The following ABCD2 variants were observed in gnomAD, a reference collection of about 807,000 sequenced individuals.
The protein encoded by ABCD2 is ATP binding cassette subfamily D member 2, also known as ATP-binding cassette sub-family D member 2.
ABCD2 carries 36 observed loss-of-function variants against 70.9 expected under a neutral mutation model. That is an observed-to-expected ratio of 0.51 (90% CI 0.39 to 0.67). The LOEUF is 0.67. ABCD2 is among the 30% of genes least tolerant of loss of function. The pLI, the probability that ABCD2 is intolerant of heterozygous loss-of-function variation, is 0.00. For synonymous variants in ABCD2, 304 were observed against 306.9 expected, an observed-to-expected ratio of 0.99 and a Z score of 0.10; for missense variants, 729 against 890.2, an observed-to-expected ratio of 0.82 and a Z score of 2.30.
At chr12:39,571,480 A>G (rs1463775252) in intron 9 of ABCD2, among the ~76,000 whole-genome samples, 3 of 152,182 alleles carry the variant, frequency 2.0e-5, no homozygotes, top group African/African-American at 7.2e-5. Context: ...AAAGACAAAT[A>G]CCACATGATC....
intron 7 of ABCD2, among the ~76,000 whole-genome samples, chr12:39,580,454 G>T (rs1264016634): frequency 6.6e-6 from 1 of 152,060 alleles, no homozygotes; most frequent in Non-Finnish European, 1.5e-5. Flanking sequence ...CAGAATATCT[G>T]TACATTAAAA....
chr12:39,557,947 C>G lies in ABCD2; in HGVS notation c.2004-3816G>C, dbSNP rs375549639. Among the ~76,000 whole-genome samples, 176 of 152,360 alleles carry G rather than the reference C, an allele frequency of 1.2e-3. 1 individual carries two copies. Among genetic ancestry groups the G allele is most frequent in the African/African-American group, 4.1e-3 (170 of 41,588 alleles). Reference sequence around the variant, plus strand: ...GGAAAATGTGAGGTCAGAGCCCCCACTGGGGCATTGCCTAGTGGAGCTGTG... The same window carrying G: ...GGAAAATGTGAGGTCAGAGCCCCCAGTGGGGCATTGCCTAGTGGAGCTGTG... On this transcript the variant is annotated intron_variant, in intron 9 of 9. Coordinates refer to ENST00000308666, the MANE Select transcript of ABCD2 (RefSeq NM_005164.4).
rs527449238 is a variant in ABCD2 at position 39,568,610 on chromosome 12, G to A, written c.2003+5106C>T. On this transcript the variant is annotated intron_variant, in intron 9 of 9. Coordinates refer to ENST00000308666, the MANE Select transcript of ABCD2 (RefSeq NM_005164.4). ...GCTCGGAGTAGTTTGATCATCTGAAGCCTTCTTCTCTGAACTCGTCAAAGT... is the reference window on the plus strand; with the variant it reads ...GCTCGGAGTAGTTTGATCATCTGAAACCTTCTTCTCTGAACTCGTCAAAGT... 2.0e-5 allele frequency among the ~76,000 whole-genome samples: 3 copies of A among 152,184 alleles called. No individual in the cohort carries two copies. In the East Asian group the frequency reaches 5.8e-4, roughly 29 times the overall value.
At chr12:39,615,139 T>A in intron 2 of ABCD2, among the ~76,000 whole-genome samples, 1 of 152,012 alleles carries the variant, frequency 6.6e-6, no homozygotes. Context: ...TACTGGTCTC[T>A]GTGGGGTTAA....
At chr12:39,558,148 C>T (rs968568739) in intron 9 of ABCD2, among the ~76,000 whole-genome samples, 14 of 152,232 alleles carry the variant, frequency 9.2e-5, no homozygotes, top group Non-Finnish European at 1.9e-4. Context: ...ATCAGCAGCA[C>T]CTGGATGTGA....
chr12:39,608,351 C>T (rs1029267579), intron 2 of ABCD2, among the ~76,000 whole-genome samples: 2 of 151,958 alleles, frequency 1.3e-5, no homozygotes, highest in Admixed American at 6.6e-5. Flanking sequence ...TTCTTTCAAC[C>T]CTTTCCACTT....
intron 8 of ABCD2, among the ~76,000 whole-genome samples, chr12:39,574,558 C>T (rs1941491297): frequency 6.6e-6 from 1 of 152,060 alleles, no homozygotes; most frequent in Non-Finnish European, 1.5e-5. Context: ...TCTCATCTCA[C>T]CCCCTGCTCT....
chr12:39,586,653 C>G (rs552606656), intron 6 of ABCD2, among the ~76,000 whole-genome samples: 1 of 152,278 alleles, frequency 6.6e-6, no homozygotes, highest in East Asian at 1.9e-4. Context: ...AACTTGGCCT[C>G]CCAAAGCACT....
At chr12:39,590,280 T>C (rs1941728459) in intron 6 of ABCD2, among the ~76,000 whole-genome samples, 1 of 152,174 alleles carries the variant, frequency 6.6e-6, no homozygotes, top group South Asian at 2.1e-4. Context: ...GTAGATCAAT[T>C]ACCATGTTAG....
intron 8 of ABCD2, among the ~76,000 whole-genome samples, chr12:39,576,475 A>T (rs1320165543): frequency 6.6e-6 from 1 of 152,058 alleles, no homozygotes; most frequent in Non-Finnish European, 1.5e-5. Flanking sequence ...TGTAAAGTTT[A>T]CTCTTGAATT....
chr12:39,556,853 G>A (rs548456406), intron 9 of ABCD2, among the ~76,000 whole-genome samples: 30 of 151,960 alleles, frequency 2.0e-4, no homozygotes, highest in African/African-American at 3.1e-4. Flanking sequence ...GCGTGAAGGC[G>A]GGTGCCTGTA....
chr12:39,540,543 A>G, the ABCD2 span, among the ~76,000 whole-genome samples: 2 of 152,204 alleles, frequency 1.3e-5, no homozygotes, highest in Non-Finnish European at 2.9e-5. Flanking sequence ...ACAGCACTAG[A>G]TATTTTTCTT....
rs1941101407 is a variant in ABCD2 at position 39,552,448 on chromosome 12, T to G, written c.*1464A>C. On this transcript the variant is annotated 3_prime_UTR_variant, in exon 10 of 10. Coordinates refer to ENST00000308666, the MANE Select transcript of ABCD2 (RefSeq NM_005164.4). ...GTATCACAGGCAGCAAGAGATAAAG[T>G]TTCAGTCTTGGCTTTCCAGCTCCAG... 6.6e-6 allele frequency: 1 copy of G among 151,970 alleles called. No homozygotes were observed. The highest frequency in any genetic ancestry group is 6.6e-5 in the Admixed American group (1 of 15,248). The allele number at this position is 151,970 out of a possible 1,614,324, so 9.4% of individuals were successfully genotyped here. A position where few individuals can be genotyped will look rare whatever the true frequency, so the allele number is the denominator to read the frequency against.
chr12:39,616,247 A>G (rs1316348271), intron 2 of ABCD2, among the ~76,000 whole-genome samples: 1 of 152,160 alleles, frequency 6.6e-6, no homozygotes, highest in Non-Finnish European at 1.5e-5. Flanking sequence ...GTTCCAACCA[A>G]TTAAGATCCA....
rs1040159369 is a variant in ABCD2, at chr12:39,553,687, C to A, written c.*225G>T. On this transcript the variant is annotated 3_prime_UTR_variant, in exon 10 of 10. Transcript: ENST00000308666. The stretch of plus-strand genomic sequence containing the variant: ...AATCCTGTTTTACAAGTGCATTAGG[C>A]CTTCACTAGGAATTAGTATAAGTCA... The A allele has an allele frequency of 2.1e-6, 1 of 474,886 alleles. No homozygotes were observed. The highest frequency in any genetic ancestry group is 3.7e-6 in the Non-Finnish European group (1 of 267,834). 29.4% of individuals were successfully genotyped at this position (474,886 alleles called of 1,614,324 possible). A position where few individuals can be genotyped will look rare whatever the true frequency, so the allele number is the denominator to read the frequency against.
intron 6 of ABCD2, among the ~76,000 whole-genome samples, chr12:39,597,815 G>A (rs779294535): frequency 9.9e-5 from 15 of 152,090 alleles, no homozygotes; most frequent in Non-Finnish European, 1.6e-4. Context: ...CATTAATAAA[G>A]ATAGGATAAA....
At chr12:39,585,596 A>G (rs1056985590) in intron 7 of ABCD2, among the ~76,000 whole-genome samples, 9 of 152,092 alleles carry the variant, frequency 5.9e-5, no homozygotes, top group Non-Finnish European at 7.3e-5. Context: ...GAGTATTATT[A>G]GACAATAATT....
At chr12:39,613,797 T>G (rs1347752634) in intron 2 of ABCD2, among the ~76,000 whole-genome samples, 1 of 152,258 alleles carries the variant, frequency 6.6e-6, no homozygotes, top group Non-Finnish European at 1.5e-5. Context: ...AAATGCCATG[T>G]TGTATATGTG....
At chr12:39,540,011 C>T in the ABCD2 span, among the ~76,000 whole-genome samples, 1 of 152,156 alleles carries the variant, frequency 6.6e-6, no homozygotes, top group Non-Finnish European at 1.5e-5. Flanking sequence ...TGTCCCCTGC[C>T]TCTGTGGAGC....
Sources: allele counts gnomAD v4.1 joint callset (sites outside exome capture counted in the v4.1 genomes callset), GRCh38; gene constraint gnomAD v4.1.1; transcripts MANE v1.5; gene names NCBI Gene and HGNC (gene_info 2026-07-23, HGNC 2026-07-21).